PDE3A: variants seen among roughly 807,000 people sequenced by gnomAD.
PDE3A encodes the protein cGMP-inhibited 3',5'-cyclic phosphodiesterase 3A.
In PDE3A, 43 loss-of-function variants were observed where a neutral mutation model predicts 98.3. That is an observed-to-expected ratio of 0.44 (90% CI 0.34 to 0.56). The LOEUF is 0.56. PDE3A is among the 20% of genes least tolerant of loss of function. The pLI is 0.01. For missense variants in PDE3A, 1,427 were observed against 1,440.7 expected (o/e 0.99, Z 0.15); for synonymous variants, 663 against 567.9 (o/e 1.17, Z -2.38).
intron 1 of PDE3A, among the ~76,000 whole-genome samples, chr12:20,435,283 A>G (rs1017253771): frequency 6.6e-6 from 1 of 152,158 alleles, no homozygotes; most frequent in African/African-American, 2.4e-5. Flanking sequence ...TAGCATTTGT[A>G]TTCAGGTCGA....
intron 1 of PDE3A, among the ~76,000 whole-genome samples, chr12:20,436,456 A>G (rs11045245): frequency 0.31 from 46,573 of 152,116 alleles, 8,933 homozygotes; most frequent in East Asian, 0.65. Context: ...TTTTTTTCCC[A>G]AGACTTTTAT....
At chr12:20,591,021 T>C (rs1366206761) in intron 2 of PDE3A, among the ~76,000 whole-genome samples, 1 of 152,194 alleles carries the variant, frequency 6.6e-6, no homozygotes, top group African/African-American at 2.4e-5. Context: ...TGGTTGTTAT[T>C]ATCATCACTA....
intron 1 of PDE3A, among the ~76,000 whole-genome samples, chr12:20,519,202 G>A (rs997771242): frequency 1.3e-5 from 2 of 152,088 alleles, no homozygotes; most frequent in Non-Finnish European, 2.9e-5. Context: ...TATTTTGAAA[G>A]TCCCTCTCTT....
At chr12:20,580,370 GAC>G (rs1463783083) in intron 2 of PDE3A, among the ~76,000 whole-genome samples, 1 of 152,142 alleles carries the variant, frequency 6.6e-6, no homozygotes, top group Non-Finnish European at 1.5e-5. Flanking sequence ...GTCTACTGTT[GAC>G]TACAGTAGAT....
chr12:20,552,915 C>T lies in PDE3A; in HGVS notation c.961-3745C>T, dbSNP rs1942255285. On this transcript the variant is annotated intron_variant, in intron 1 of 15. Transcript: ENST00000359062. The surrounding 1 kb of genome is among the most constrained non-coding windows in gnomAD (Gnocchi z 5.1). ...CACAGGTGTTCAGCTGCCCTGCCTGCCGCTACGACCTGGGCCGCAGCTATG... is the reference window on the plus strand; with the variant it reads ...CACAGGTGTTCAGCTGCCCTGCCTGTCGCTACGACCTGGGCCGCAGCTATG... 1 of 1,596,624 alleles carries T rather than the reference C, an allele frequency of 6.3e-7. No homozygotes were observed. The highest frequency in any genetic ancestry group is 1.3e-5 in the African/African-American group (1 of 74,602).
At chr12:20,379,341 A>T (rs1417896030) in intron 1 of PDE3A, among the ~76,000 whole-genome samples, 1 of 151,808 alleles carries the variant, frequency 6.6e-6, no homozygotes, top group East Asian at 1.9e-4. Context: ...TCGTGATATG[A>T]AACATCCCCT....
chr12:20,488,298 A>G (rs1228278072), intron 1 of PDE3A, among the ~76,000 whole-genome samples: 1 of 152,170 alleles, frequency 6.6e-6, no homozygotes, highest in Non-Finnish European at 1.5e-5. Context: ...AATGGATGAT[A>G]CCAGTCACAC....
chr12:20,376,347 A>G (rs1480549526), intron 1 of PDE3A, among the ~76,000 whole-genome samples: 1 of 151,932 alleles, frequency 6.6e-6, no homozygotes. Flanking sequence ...CTGAGGAAAC[A>G]GTAGGAAAGG....
intron 1 of PDE3A, among the ~76,000 whole-genome samples, chr12:20,547,314 G>C (rs537703271): frequency 1.4e-4 from 22 of 152,132 alleles, no homozygotes; most frequent in Admixed American, 1.0e-3. Flanking sequence ...CTATGTTTCT[G>C]TGTTTATCTT....
At chr12:20,554,546 T>C (rs537618768) in intron 1 of PDE3A, among the ~76,000 whole-genome samples, 31 of 151,898 alleles carry the variant, frequency 2.0e-4, no homozygotes, top group African/African-American at 7.2e-4. Flanking sequence ...AGGCTTTAAT[T>C]ATTTTTTACC....
Position 20,621,371 on chromosome 12 carries a change from T to A in PDE3A, c.1500T>A (p.Ser500=). Residue 500 remains serine (S), a synonymous_variant, in exon 5 of 16, where the codon TCT becomes TCA. Coordinates refer to ENST00000359062, the MANE Select transcript of PDE3A (RefSeq NM_000921.5). ...CCTTTACTTCATCCTATGCTATTTC[T>A]GCAGCTAACCATGTAAAGGCTAAAA... ...SRSFTSSYAI[S]AANHVKAKKQ... The A allele has an allele frequency of 6.2e-7, 1 of 1,612,208 alleles. No homozygotes were observed. Among genetic ancestry groups the A allele is most frequent in the Non-Finnish European group, 8.5e-7 (1 of 1,178,430 alleles).
chr12:20,386,571 C>T (rs1792069965), intron 1 of PDE3A, among the ~76,000 whole-genome samples: 1 of 151,648 alleles, frequency 6.6e-6, no homozygotes, highest in African/African-American at 2.4e-5. Context: ...CGTCTCCTGA[C>T]CTCAAGTGAT....
chr12:20,373,975 A>G (rs1006988367), intron 1 of PDE3A, among the ~76,000 whole-genome samples: 2 of 152,160 alleles, frequency 1.3e-5, no homozygotes, highest in Admixed American at 6.5e-5. Flanking sequence ...ATGCCTGTCA[A>G]TGTAACATAT....
chr12:20,430,035 G>A (rs1299409135), intron 1 of PDE3A, among the ~76,000 whole-genome samples: 1 of 152,028 alleles, frequency 6.6e-6, no homozygotes, highest in East Asian at 1.9e-4. Flanking sequence ...GTGAACTGTA[G>A]TTAAACTCTT....
chr12:20,408,521 A>G (rs1944275032), intron 1 of PDE3A, among the ~76,000 whole-genome samples: 1 of 152,172 alleles, frequency 6.6e-6, no homozygotes, highest in Non-Finnish European at 1.5e-5. Context: ...GCTAACTTTA[A>G]CTTGCAGATG....
rs143401116 is a variant in PDE3A at position 20,372,821 on chromosome 12, A to C, written c.960+2577A>C. On this transcript the variant is annotated intron_variant, in intron 1 of 15. Coordinates refer to ENST00000359062, the MANE Select transcript of PDE3A (RefSeq NM_000921.5). The stretch of plus-strand genomic sequence containing the variant: ...TAGTCATTTAAGAACTTAAACGCAC[A>C]GTCTGTCAGAGTCCTCTTGAGAATT... Among the ~76,000 whole-genome samples, 549 of 152,286 alleles carry C rather than the reference A, an allele frequency of 3.6e-3. 3 individuals are homozygous for C. Among genetic ancestry groups the C allele is most frequent in the African/African-American group, 0.013 (523 of 41,558 alleles).
intron 1 of PDE3A, among the ~76,000 whole-genome samples, chr12:20,471,578 C>A (rs1481642685): frequency 1.2e-4 from 18 of 152,126 alleles, no homozygotes. Context: ...ATTTTCTGAA[C>A]AGCAAATCCA....
chr12:20,607,264 C>T (rs1592105044), intron 2 of PDE3A, among the ~76,000 whole-genome samples: 1 of 151,826 alleles, frequency 6.6e-6, no homozygotes, highest in East Asian at 1.9e-4. Context: ...AATAGCAAAA[C>T]CCCATCTGTA....
At chr12:20,466,266 C>G (rs567629686) in intron 1 of PDE3A, among the ~76,000 whole-genome samples, 46 of 152,332 alleles carry the variant, frequency 3.0e-4, no homozygotes, top group African/African-American at 1.1e-3. Context: ...TTAGCACTGA[C>G]AGCTACAATC....
Sources: gnomAD v4.1 joint callset for allele counts (sites outside exome capture counted in the v4.1 genomes callset) on GRCh38, gnomAD v4.1.1 for gene constraint, Gnocchi (gnomAD v3.1) non-coding constraint, MANE v1.5 for transcripts, NCBI Gene and HGNC (gene_info 2026-07-23, HGNC 2026-07-21) for gene names.